Variants in LINGO2 observed in about 807,000 individuals in gnomAD.
LINGO2 encodes the protein leucine-rich repeat and immunoglobulin-like domain-containing nogo receptor-interacting protein 2.
A neutral mutation model predicts 30.6 loss-of-function variants in LINGO2; 14 were observed. The ratio of observed to expected loss-of-function variants is 0.46; its 90% CI spans 0.30 to 0.72. The LOEUF is 0.72. Ranked by LOEUF, LINGO2 falls within the 30% of genes least tolerant of loss-of-function variation. The probability of loss-of-function intolerance (pLI) is 0.07; values close to 1 mark genes in which losing one functional copy is unlikely to be tolerated. For missense variants in LINGO2, 729 were observed against 751.7 expected, an observed-to-expected ratio of 0.97 and a Z score of 0.35; for synonymous variants, 317 against 288.5, an observed-to-expected ratio of 1.10 and a Z score of -1.00.
chr9:28,282,598 T>G (rs1823367091), intron 4 of LINGO2, among the ~76,000 whole-genome samples: 1 of 152,138 alleles, frequency 6.6e-6, no homozygotes, highest in African/African-American at 2.4e-5. Flanking sequence ...ATAAGTTATC[T>G]TAGACCCTGT....
the LINGO2 span, among the ~76,000 whole-genome samples, chr9:28,906,729 A>C: frequency 6.6e-6 from 1 of 151,958 alleles, no homozygotes; most frequent in Non-Finnish European, 1.5e-5. Context: ...CTCCCCTAAC[A>C]AAGTGACCAT....
intron 4 of LINGO2, among the ~76,000 whole-genome samples, chr9:28,092,055 G>T (rs1239720780): frequency 2.6e-5 from 4 of 152,140 alleles, no homozygotes; most frequent in Non-Finnish European, 5.9e-5. Context: ...AACAGGTGCT[G>T]GAGAGAATGT....
chr9:28,251,234 CT>C (rs888707540), intron 4 of LINGO2, among the ~76,000 whole-genome samples: 1 of 151,914 alleles, frequency 6.6e-6, no homozygotes, highest in African/African-American at 2.4e-5. Context: ...ACTCAGGAAC[CT>C]TTTTTTCCCA....
the LINGO2 span, among the ~76,000 whole-genome samples, chr9:28,969,744 G>C: frequency 1.3e-5 from 2 of 152,278 alleles, no homozygotes; most frequent in East Asian, 3.9e-4. Flanking sequence ...GGGTATGAAG[G>C]AAGAGAGGAG....
At chr9:28,797,187 T>C in the LINGO2 span, among the ~76,000 whole-genome samples, 1 of 151,288 alleles carries the variant, frequency 6.6e-6, no homozygotes, top group Non-Finnish European at 1.5e-5. Flanking sequence ...TCAACAAATA[T>C]TGATTAAATA....
chr9:28,605,219 T>G (rs529978903), intron 1 of LINGO2, among the ~76,000 whole-genome samples: 1 of 152,206 alleles, frequency 6.6e-6, no homozygotes, highest in Non-Finnish European at 1.5e-5. Flanking sequence ...GTTGAGATAT[T>G]TGGCCTACAA....
At chr9:29,036,889 A>C in the LINGO2 span, among the ~76,000 whole-genome samples, 1 of 151,966 alleles carries the variant, frequency 6.6e-6, no homozygotes, top group Admixed American at 6.6e-5. Flanking sequence ...ACAAAACTGT[A>C]AATTGTACTT....
At chr9:28,964,771 A>G in the LINGO2 span, among the ~76,000 whole-genome samples, 2 of 152,098 alleles carry the variant, frequency 1.3e-5, no homozygotes, top group South Asian at 2.1e-4. Flanking sequence ...AAGTTTTGGT[A>G]TAATCCCTAG....
the LINGO2 span, among the ~76,000 whole-genome samples, chr9:28,704,995 C>T: frequency 1.3e-5 from 2 of 152,080 alleles, no homozygotes; most frequent in East Asian, 3.9e-4. Context: ...CAGATCACTG[C>T]AATCTCTGCC....
At chr9:29,079,955 A>G in the LINGO2 span, among the ~76,000 whole-genome samples, 24,913 of 152,014 alleles carry the variant, frequency 0.16, 2,173 homozygotes, top group East Asian at 0.34. Flanking sequence ...TTCTCACAAT[A>G]ATTTTATGAT....
the LINGO2 span, among the ~76,000 whole-genome samples, chr9:28,878,257 C>T: frequency 6.6e-6 from 1 of 151,948 alleles, no homozygotes; most frequent in Non-Finnish European, 1.5e-5. Flanking sequence ...ATAAATTCCT[C>T]GACACATACA....
chr9:29,028,755 C>T, the LINGO2 span, among the ~76,000 whole-genome samples: 2 of 152,148 alleles, frequency 1.3e-5, no homozygotes, highest in Non-Finnish European at 2.9e-5. Flanking sequence ...ATTACTCTCT[C>T]TGCCCCAGCT....
the LINGO2 span, among the ~76,000 whole-genome samples, chr9:29,187,260 C>A: frequency 1.3e-5 from 2 of 152,168 alleles, no homozygotes; most frequent in African/African-American, 4.8e-5. Context: ...ACACATGGAT[C>A]ACCCTGCTGG....
At chr9:28,526,490 T>A (rs763893782) in intron 1 of LINGO2, among the ~76,000 whole-genome samples, 4 of 152,194 alleles carry the variant, frequency 2.6e-5, no homozygotes, top group Non-Finnish European at 5.9e-5. Context: ...TTTTCCAAAA[T>A]GTTAACCATA....
At chr9:28,826,912 A>G in the LINGO2 span, among the ~76,000 whole-genome samples, 1 of 152,140 alleles carries the variant, frequency 6.6e-6, no homozygotes, top group Non-Finnish European at 1.5e-5. Context: ...GTTTTCCTCC[A>G]TTGAAAAATT....
At chr9:28,276,653 C>T (rs1823124758) in intron 4 of LINGO2, among the ~76,000 whole-genome samples, 1 of 152,150 alleles carries the variant, frequency 6.6e-6, no homozygotes, top group Non-Finnish European at 1.5e-5. Flanking sequence ...CCACTGGATG[C>T]TTCTCCCTCT....
At chr9:28,121,328 G>C (rs1217290271) in intron 4 of LINGO2, among the ~76,000 whole-genome samples, 1 of 152,026 alleles carries the variant, frequency 6.6e-6, no homozygotes, top group African/African-American at 2.4e-5. Context: ...AAAGGACTTT[G>C]GTGGTTTTAC....
intron 4 of LINGO2, among the ~76,000 whole-genome samples, chr9:28,285,273 A>G (rs985344869): frequency 6.6e-6 from 1 of 152,042 alleles, no homozygotes; most frequent in African/African-American, 2.4e-5. Flanking sequence ...TGTATCAGAT[A>G]CTTGTCTGAG....
At chr9:28,588,401 A>AGG (rs1824678757) in intron 1 of LINGO2, among the ~76,000 whole-genome samples, 1 of 152,012 alleles carries the variant, frequency 6.6e-6, no homozygotes, top group East Asian at 1.9e-4. Context: ...GTTATCCAGT[A>AGG]GGATAACAAT....
Sources: allele counts gnomAD v4.1 joint callset (sites outside exome capture counted in the v4.1 genomes callset), GRCh38; gene constraint gnomAD v4.1.1; transcripts MANE v1.5; gene names NCBI Gene and HGNC (gene_info 2026-07-23, HGNC 2026-07-21).